Variants in NXN observed in about 807,000 individuals in gnomAD.
NXN encodes the protein nucleoredoxin 1.
Under a neutral mutation model 48.6 loss-of-function variants are expected in NXN, and 16 were observed. The observed-to-expected ratio is 0.33, with a 90% CI of 0.22 to 0.50. NXN has a LOEUF of 0.50. NXN is among the 20% of genes least tolerant of loss of function. NXN has a pLI of 0.98. For synonymous variants in NXN, 281 were observed against 269.6 expected, an observed-to-expected ratio of 1.04 and a Z score of -0.41; for missense variants, 492 against 605.5, an observed-to-expected ratio of 0.81 and a Z score of 1.97.
intron 1 of NXN, among the ~76,000 whole-genome samples, chr17:832,556 A>G (rs1182591798): frequency 6.6e-6 from 1 of 152,128 alleles, no homozygotes; most frequent in Non-Finnish European, 1.5e-5. Context: ...CTAAATGCTC[A>G]GGAGAAACGC....
intron 1 of NXN, among the ~76,000 whole-genome samples, chr17:867,525 C>T (rs867816012): frequency 2.0e-5 from 3 of 152,176 alleles, no homozygotes; most frequent in South Asian, 4.1e-4. Context: ...CTAAATGACA[C>T]GAAAAGTTTT....
intron 1 of NXN, among the ~76,000 whole-genome samples, chr17:872,337 CAAG>C (rs200084578): frequency 0.028 from 4,087 of 147,710 alleles, 73 homozygotes; most frequent in Non-Finnish European, 0.037. Context: ...ACATCAAAGA[CAAG>C]GAGAGAGACA....
chr17:912,498 C>T (rs1410925940), intron 1 of NXN, among the ~76,000 whole-genome samples: 1 of 152,090 alleles, frequency 6.6e-6, no homozygotes, highest in Non-Finnish European at 1.5e-5. Flanking sequence ...TGTATGTTAT[C>T]AAATGTTCCT....
intron 1 of NXN, among the ~76,000 whole-genome samples, chr17:974,774 GA>G (rs1478853137): frequency 6.6e-6 from 1 of 151,814 alleles, no homozygotes; most frequent in Non-Finnish European, 1.5e-5. Flanking sequence ...GATGGAACAA[GA>G]AAAAGCCTCT....
At chr17:837,615 A>T (rs2144692805) in intron 1 of NXN, among the ~76,000 whole-genome samples, 1 of 152,302 alleles carries the variant, frequency 6.6e-6, no homozygotes, top group South Asian at 2.1e-4. Flanking sequence ...GGGGCCCAGA[A>T]TGCTCCTGAA....
At position 908,410 on chromosome 17, in the gene NXN, C is replaced by A. The variant is rs567598801; in HGVS notation, c.360+70909G>T. 2.6e-5 allele frequency among the ~76,000 whole-genome samples: 4 copies of A among 152,012 alleles called. No homozygotes were observed. In the South Asian group the frequency reaches 8.3e-4, roughly 32 times the overall value. ...AATTAGCCAGGCATGTTGGTGGGAGCCTGTAATCCCAGCTACTTGGGAGGC... is the reference window on the plus strand; with the variant it reads ...AATTAGCCAGGCATGTTGGTGGGAGACTGTAATCCCAGCTACTTGGGAGGC... On this transcript the variant is annotated intron_variant, in intron 1 of 7. Coordinates refer to ENST00000336868, the MANE Select transcript of NXN (RefSeq NM_022463.5).
chr17:974,697 T>C (rs2069437183), intron 1 of NXN, among the ~76,000 whole-genome samples: 1 of 151,968 alleles, frequency 6.6e-6, no homozygotes, highest in Admixed American at 6.6e-5. Flanking sequence ...TCTATATTTT[T>C]AGCCATGTAT....
chr17:808,547 G>A (rs113497738), intron 5 of NXN, among the ~76,000 whole-genome samples: 2,609 of 152,116 alleles, frequency 0.017, 84 homozygotes, highest in African/African-American at 0.059. Flanking sequence ...CGCCCACCTC[G>A]GCCTCCCAAA....
intron 1 of NXN, among the ~76,000 whole-genome samples, chr17:971,073 A>T (rs543967685): frequency 6.7e-6 from 1 of 150,200 alleles, no homozygotes; most frequent in African/African-American, 2.5e-5. Context: ...CAGCCTCCTC[A>T]GTAGCTCGGA....
chr17:842,831 C>T (rs749261672), intron 1 of NXN, among the ~76,000 whole-genome samples: 3 of 152,018 alleles, frequency 2.0e-5, no homozygotes, highest in Non-Finnish European at 4.4e-5. Flanking sequence ...CTCAGCTGCT[C>T]GGGAGGCTGG....
At chr17:915,855 G>C (rs58657446) in intron 1 of NXN, among the ~76,000 whole-genome samples, 1 of 131,862 alleles carries the variant, frequency 7.6e-6, no homozygotes, top group Non-Finnish European at 1.6e-5. Flanking sequence ...TAAAATGGGC[G>C]GCCACTTATG....
In NXN at chr17:819,518, G is replaced by C. The variant is rs1379099660; in HGVS notation, c.741C>G (p.Phe247Leu). ...DRSEESFKQY[F>L]SEMPWLAVPY... ...GGACGGCGAGCCAGGGCATCTCACTGAAGTACTGTTTGAAGGACTCCTCCG... is the reference window on the plus strand; with the variant it reads ...GGACGGCGAGCCAGGGCATCTCACTCAAGTACTGTTTGAAGGACTCCTCCG... Residue 247 changes from phenylalanine (F) to leucine (L), a missense_variant, in exon 5 of 8, where the codon TTC becomes TTG. Around this residue, in one of 3 missense-constraint regions of NXN, gnomAD observed 303 missense variants for 388.3 expected, o/e 0.78. Transcript: ENST00000336868. 1 of 1,611,364 alleles carries C rather than the reference G, an allele frequency of 6.2e-7. No homozygotes were observed. Among genetic ancestry groups the C allele is most frequent in the East Asian group, 2.2e-5 (1 of 44,798 alleles).
At chr17:841,985 A>G (rs1451287226) in intron 1 of NXN, among the ~76,000 whole-genome samples, 1 of 151,934 alleles carries the variant, frequency 6.6e-6, no homozygotes, top group Admixed American at 6.6e-5. Flanking sequence ...AAAAGGCAAA[A>G]ATGAGCCGGG....
intron 1 of NXN, among the ~76,000 whole-genome samples, chr17:859,193 T>C (rs1302448571): frequency 6.6e-6 from 1 of 152,156 alleles, no homozygotes; most frequent in Non-Finnish European, 1.5e-5. Context: ...TGAGGCCTTC[T>C]CAGTCTGAGC....
Position 884,223 on chromosome 17 carries a change from A to T in NXN, c.361-58145T>A, listed in dbSNP as rs866758983. Reference sequence around the variant, plus strand: ...GGGACTGAGCAAGACTCTGACTCAAAAAATAAATAAATAAATAAATAAATA... The same window carrying T: ...GGGACTGAGCAAGACTCTGACTCAATAAATAAATAAATAAATAAATAAATA... On this transcript the variant is annotated intron_variant, in intron 1 of 7. Transcript: ENST00000336868. 2.1e-5 allele frequency among the ~76,000 whole-genome samples: 3 copies of T among 141,760 alleles called. No homozygotes were observed. In the East Asian group the frequency reaches 5.9e-4, roughly 28 times the overall value. 93.0% of individuals were successfully genotyped at this position (141,760 alleles called of 152,430 possible).
chr17:942,501 C>T (rs867656752), intron 1 of NXN, among the ~76,000 whole-genome samples: 64 of 41,560 alleles, frequency 1.5e-3, no homozygotes, highest in South Asian at 3.4e-3. Context: ...GGATTTACAG[C>T]GAACAAGATT....
intron 1 of NXN, among the ~76,000 whole-genome samples, chr17:937,833 G>A (rs1040007217): frequency 1.3e-5 from 2 of 152,324 alleles, no homozygotes; most frequent in Admixed American, 6.5e-5. Flanking sequence ...AATGTCTTTC[G>A]TTTCAGTTTT....
intron 1 of NXN, among the ~76,000 whole-genome samples, chr17:848,752 A>C (rs886917776): frequency 6.6e-6 from 1 of 152,224 alleles, no homozygotes; most frequent in Admixed American, 6.5e-5. Flanking sequence ...TTGCAGATTC[A>C]GAAGCTAACA....
At chr17:803,616 G>C in intron 7 of NXN, 66 bp downstream of exon 7, 2 of 1,603,394 alleles carry the variant, frequency 1.2e-6, no homozygotes, top group Middle Eastern at 1.7e-4. Context: ...CCTGGGGCCA[G>C]GATCAGTCCT....
Sources: gnomAD v4.1 joint callset for allele counts (sites outside exome capture counted in the v4.1 genomes callset) on GRCh38, gnomAD v4.1.1 for gene constraint, gnomAD v4.1.1 regional missense constraint, MANE v1.5 for transcripts, NCBI Gene and HGNC (gene_info 2026-07-23, HGNC 2026-07-21) for gene names.